DNAJC15: variants seen among roughly 807,000 people sequenced by gnomAD.
DNAJC15 encodes DnaJ heat shock protein family (Hsp40) member C15, also known as dnaJ homolog subfamily C member 15.
Under a neutral mutation model 22.4 loss-of-function variants are expected in DNAJC15, and 27 were observed. The ratio of observed to expected loss-of-function variants is 1.20; its 90% CI spans 0.89 to 1.66. DNAJC15 has a LOEUF of 1.66. Among genes scored for constraint, DNAJC15 ranks in the 40% most tolerant of loss-of-function variants. The probability of loss-of-function intolerance (pLI) is 0.00; values close to 1 mark genes in which losing one functional copy is unlikely to be tolerated. For synonymous variants in DNAJC15, 79 were observed against 63.2 expected (o/e 1.25, Z -1.19); for missense variants, 208 against 187.1 (o/e 1.11, Z -0.65).
At chr13:43,044,859 T>G (rs1329858114) in intron 1 of DNAJC15, among the ~76,000 whole-genome samples, 1 of 152,014 alleles carries the variant, frequency 6.6e-6, no homozygotes, top group East Asian at 1.9e-4. Flanking sequence ...AAGTGACCAT[T>G]ATCTCTTTCA....
rs988630266 is a variant in DNAJC15, at chr13:43,048,812, A to C, written c.109-16874A>C. Among the ~76,000 whole-genome samples, 4 of 152,198 alleles carry C rather than the reference A, an allele frequency of 2.6e-5. No homozygotes were observed. In the South Asian group the frequency reaches 8.3e-4, roughly 32 times the overall value. Reference sequence around the variant, plus strand: ...TATAAGTAGAAGTATGTGGTACCCTAATTTTGTGTAACAACAACAAAAATA... The same window carrying C: ...TATAAGTAGAAGTATGTGGTACCCTCATTTTGTGTAACAACAACAAAAATA... On this transcript the variant is annotated intron_variant, in intron 1 of 5. Transcript: ENST00000379221.
intron 1 of DNAJC15, among the ~76,000 whole-genome samples, chr13:43,039,627 A>G (rs2040443969): frequency 1.3e-5 from 2 of 152,254 alleles, no homozygotes; most frequent in South Asian, 4.1e-4. Flanking sequence ...AAATTTCAGT[A>G]CAATAATAAA....
chr13:43,039,682 A>G (rs1428109106), intron 1 of DNAJC15, among the ~76,000 whole-genome samples: 2 of 152,246 alleles, frequency 1.3e-5, no homozygotes, highest in African/African-American at 4.8e-5. Context: ...TTTCCTTCAA[A>G]TGTTAGAAAA....
chr13:43,070,454 T>TAA (rs199864394), intron 3 of DNAJC15, among the ~76,000 whole-genome samples: 5 of 142,454 alleles, frequency 3.5e-5, no homozygotes, highest in South Asian at 2.2e-4. Context: ...AGACACAGTG[T>TAA]AAAAAAAAAA....
intron 3 of DNAJC15, among the ~76,000 whole-genome samples, chr13:43,072,781 C>G (rs2040614973): frequency 6.6e-6 from 1 of 152,164 alleles, no homozygotes; most frequent in Non-Finnish European, 1.5e-5. Flanking sequence ...CCAGGCTGGT[C>G]TTGAGCTTCT....
chr13:43,043,212 A>G (rs1261427410), intron 1 of DNAJC15, among the ~76,000 whole-genome samples: 1 of 152,082 alleles, frequency 6.6e-6, no homozygotes, highest in African/African-American at 2.4e-5. Flanking sequence ...GGTTCAAGCG[A>G]GTCTCCCCCC....
Position 43,023,710 on chromosome 13 carries a change from C to T in DNAJC15, c.84C>T (p.Asp28=), listed in dbSNP as rs1228121513. 3 of 1,611,392 alleles carry T rather than the reference C, an allele frequency of 1.9e-6. No individual in the cohort carries two copies. Among genetic ancestry groups the T allele is most frequent in the Non-Finnish European group, 2.5e-6 (3 of 1,179,054 alleles). ...TGCAGCCCTCGGCCAAACGGCCAGA[C>T]GCCGACGTCGACCAGCAGAGACTGG... ...EYLQPSAKRP[D]ADVDQQRLVR... The change falls in exon 1 of 6, where the codon GAC becomes GAT. Residue 28 remains aspartate, a synonymous_variant. Transcript: ENST00000379221.
At position 43,108,737 on chromosome 13, in the gene DNAJC15, G is replaced by T. The variant is rs2040810892; in HGVS notation, c.*1489G>T. ...TCTCATCAGTTGTGACAACAAAAATGGTTCCAGATATTGCCAAATGCCCTT... is the reference window on the plus strand; with the variant it reads ...TCTCATCAGTTGTGACAACAAAAATTGTTCCAGATATTGCCAAATGCCCTT... On this transcript the variant is annotated 3_prime_UTR_variant, in exon 6 of 6. Transcript: ENST00000379221. 1 of 152,126 alleles carries T rather than the reference G, an allele frequency of 6.6e-6. No homozygotes were observed. The highest frequency in any genetic ancestry group is 1.5e-5 in the Non-Finnish European group (1 of 68,012). 9.4% of individuals were successfully genotyped at this position (152,126 alleles called of 1,614,324 possible). A position where few individuals can be genotyped will look rare whatever the true frequency, so the allele number is the denominator to read the frequency against.
intron 5 of DNAJC15, among the ~76,000 whole-genome samples, chr13:43,104,494 T>A (rs1010865234): frequency 2.6e-5 from 4 of 151,772 alleles, no homozygotes; most frequent in Non-Finnish European, 4.4e-5. Flanking sequence ...AGTGGGAGAG[T>A]TGGCCTTAAA....
chr13:43,071,630 C>T (rs11620045), intron 3 of DNAJC15, among the ~76,000 whole-genome samples: 33,548 of 151,990 alleles, frequency 0.22, 4,452 homozygotes, highest in Non-Finnish European at 0.31. Context: ...ACACAGTATA[C>T]ACAGTGTTTT....
intron 2 of DNAJC15, 30 bp from the exon 3 acceptor site, chr13:43,068,900 A>G (rs780341477): frequency 5.0e-6 from 8 of 1,586,976 alleles, no homozygotes; most frequent in Non-Finnish European, 1.7e-6. Flanking sequence ...TATAGAAAAT[A>G]CATTTGCTTT....
intron 5 of DNAJC15, among the ~76,000 whole-genome samples, chr13:43,104,930 C>T (rs762820559): frequency 3.8e-4 from 58 of 151,814 alleles, no homozygotes; most frequent in Non-Finnish European, 7.9e-4. Context: ...CTCAAGTGAT[C>T]CTCTCACCTC....
chr13:43,055,716 G>C (rs890201372), intron 1 of DNAJC15, among the ~76,000 whole-genome samples: 2 of 152,100 alleles, frequency 1.3e-5, no homozygotes, highest in African/African-American at 4.8e-5. Context: ...TGTTGTTGCT[G>C]TTTCAATTTC....
At position 43,065,703 on chromosome 13, in the gene DNAJC15, T is replaced by C; in HGVS notation, c.126T>C (p.Ala42=). 6.2e-7 allele frequency: 1 copy of C among 1,613,310 alleles called. No homozygotes were observed. The highest frequency in any genetic ancestry group is 1.1e-5 in the South Asian group (1 of 91,060). Residue 42 remains alanine (A), a synonymous_variant, in exon 2 of 6, where the codon GCT becomes GCC. Transcript: ENST00000379221. ...DQQRLVRSLI[A]VGLGVAALAF... ...TTCCATAGGTAAGAAGTTTGATAGC[T>C]GTAGGACTGGGTGTTGCAGCTCTTG...
At chr13:43,102,121 T>A (rs1380004738) in intron 5 of DNAJC15, among the ~76,000 whole-genome samples, 1 of 152,226 alleles carries the variant, frequency 6.6e-6, no homozygotes, top group African/African-American at 2.4e-5. Context: ...ATTATGGCCA[T>A]TTTTGGAGGA....
rs1020188432 is a variant in DNAJC15 at position 43,110,674 on chromosome 13, T to C, written c.*3426T>C. On this transcript the variant is annotated 3_prime_UTR_variant, in exon 6 of 6. Transcript: ENST00000379221. ...AGTAGAAGGTTAAAATGTATCCCTC[T>C]TTTTCTGGTGCATCCAGCAAAAGTA... 6.6e-6 allele frequency: 1 copy of C among 152,220 alleles called. No individual in the cohort carries two copies. The highest frequency in any genetic ancestry group is 1.5e-5 in the Non-Finnish European group (1 of 68,044). The allele number at this position is 152,220 out of a possible 1,614,324, so 9.4% of individuals were successfully genotyped here.
chr13:43,111,848 A>G lies in DNAJC15; in HGVS notation c.*4600A>G, dbSNP rs2040826248. 6.6e-6 allele frequency: 1 copy of G among 152,256 alleles called. No homozygotes were observed. Among genetic ancestry groups the G allele is most frequent in the African/African-American group, 2.4e-5 (1 of 41,468 alleles). The allele number at this position is 152,256 out of a possible 1,614,324, so 9.4% of individuals were successfully genotyped here. On this transcript the variant is annotated 3_prime_UTR_variant, in exon 6 of 6. Transcript: ENST00000379221. ...AAAAGCAACCCAAAGAGCAAATCCTATTAATGGCTGGATCAGTATCATCTA... is the reference window on the plus strand; with the variant it reads ...AAAAGCAACCCAAAGAGCAAATCCTGTTAATGGCTGGATCAGTATCATCTA...
At chr13:43,040,713 A>G (rs568281538) in intron 1 of DNAJC15, among the ~76,000 whole-genome samples, 9 of 152,108 alleles carry the variant, frequency 5.9e-5, no homozygotes, top group African/African-American at 1.9e-4. Flanking sequence ...TTCCCTTAGT[A>G]TTTATTGGTC....
intron 3 of DNAJC15, among the ~76,000 whole-genome samples, chr13:43,076,681 A>G (rs956468291): frequency 6.6e-6 from 1 of 150,968 alleles, no homozygotes; most frequent in Non-Finnish European, 1.5e-5. Context: ...CCTAAAAGCT[A>G]AGTTTATACA....
Sources: allele counts gnomAD v4.1 joint callset (sites outside exome capture counted in the v4.1 genomes callset), GRCh38; gene constraint gnomAD v4.1.1; transcripts MANE v1.5; gene names NCBI Gene and HGNC (gene_info 2026-07-23, HGNC 2026-07-21).